The following BRINP2 variants were observed in gnomAD, a reference collection of about 807,000 sequenced individuals.
The protein encoded by BRINP2 is BMP/retinoic acid inducible neural specific 2, also known as BMP/retinoic acid-inducible neural-specific protein 2.
A neutral mutation model predicts 69.2 loss-of-function variants in BRINP2; 21 were observed. The ratio of observed to expected loss-of-function variants is 0.30; its 90% confidence interval spans 0.22 to 0.44. The LOEUF (loss-of-function observed/expected upper bound fraction) is 0.44. Ranked by LOEUF, BRINP2 falls within the 20% of genes least tolerant of loss-of-function variation. BRINP2 has a pLI of 1.00. For synonymous variants in BRINP2, 380 were observed against 394.1 expected (o/e 0.96, Z 0.42); for missense variants, 877 against 986.0 (o/e 0.89, Z 1.48).
rs1270398411 is a variant in BRINP2, at chr1:177,212,107, AGATG to A, written c.-76-17693_-76-17690del. ...TAGATAGATAGATAGATAGATAGAT[AGATG>A]ATAGATAAAATGTGGCCTCATAGAT... On this transcript the variant is annotated intron_variant, in intron 1 of 7. Transcript: ENST00000361539. Among the ~76,000 whole-genome samples, 42 of 142,444 alleles carry A rather than the reference AGATG, an allele frequency of 2.9e-4. 1 individual carries two copies. Among genetic ancestry groups the A allele is most frequent in the Admixed American group, 2.7e-3 (38 of 14,222 alleles). The allele number at this position is 142,444 out of a possible 152,430, so 93.4% of individuals were successfully genotyped here.
chr1:177,265,814 C>T (rs1218683756), intron 4 of BRINP2, among the ~76,000 whole-genome samples: 1 of 152,036 alleles, frequency 6.6e-6, no homozygotes, highest in Non-Finnish European at 1.5e-5. Context: ...TTGAAGTTTT[C>T]CATGAGGTTT....
intron 1 of BRINP2, among the ~76,000 whole-genome samples, chr1:177,228,822 T>C (rs1272692532): frequency 6.6e-6 from 1 of 152,048 alleles, no homozygotes. Flanking sequence ...GACCAAAGAG[T>C]AGGCACTGGA....
chr1:177,230,016 C>A lies in BRINP2; in HGVS notation c.140C>A (p.Ala47Asp). 1 of 1,613,654 alleles carries A rather than the reference C, an allele frequency of 6.2e-7. No homozygotes were observed. The highest frequency in any genetic ancestry group is 8.5e-7 in the Non-Finnish European group (1 of 1,179,962). ...TAAAVVPEQH[A>D]SVAGQHPLDW... ...GCTGCTGTGGTCCCCGAGCAGCATG[C>A]CTCCGTAGCTGGCCAGCATCCCCTG... Residue 47 changes from alanine to aspartate, a missense_variant, in exon 2 of 8, where the codon GCC becomes GAC. Physicochemically the swap from Ala to Asp is moderately radical, Grantham distance 126. Coordinates refer to ENST00000361539, the MANE Select transcript of BRINP2 (RefSeq NM_021165.4).
chr1:177,273,543 C>CA lies in BRINP2; in HGVS notation c.726dup (p.Val243SerfsTer24). 1 of 1,609,856 alleles carries CA rather than the reference C, an allele frequency of 6.2e-7. No individual in the cohort carries two copies. Among genetic ancestry groups the CA allele is most frequent in the Non-Finnish European group, 8.5e-7 (1 of 1,177,924 alleles). ...TGCAGCAACTATGACAATCTGGACTCAGTCAGTTCTGTCTTGGTACAGAGT... is the reference window on the plus strand; with the variant it reads ...TGCAGCAACTATGACAATCTGGACTCAAGTCAGTTCTGTCTTGGTACAGAGT... On this transcript the variant is annotated frameshift_variant, in exon 5 of 8. Coordinates refer to ENST00000361539, the MANE Select transcript of BRINP2 (RefSeq NM_021165.4). LOFTEE classifies it high-confidence loss of function.
chr1:177,200,333 A>G (rs1487571745), intron 1 of BRINP2, among the ~76,000 whole-genome samples: 1 of 148,416 alleles, frequency 6.7e-6, no homozygotes, highest in African/African-American at 2.5e-5. Context: ...GAATGCATTA[A>G]TGCATTATCA....
At chr1:177,244,905 C>A (rs1390064803) in intron 2 of BRINP2, among the ~76,000 whole-genome samples, 1 of 152,128 alleles carries the variant, frequency 6.6e-6, no homozygotes, top group Non-Finnish European at 1.5e-5. Context: ...CTTCTGCCCT[C>A]ATTCCTTTGT....
At chr1:177,177,318 C>CAAA (rs1313735993) in intron 1 of BRINP2, among the ~76,000 whole-genome samples, 44 of 152,070 alleles carry the variant, frequency 2.9e-4, no homozygotes, top group African/African-American at 9.2e-4. Flanking sequence ...ACAACAACAA[C>CAAA]AACAAAATTT....
At chr1:177,238,845 G>A (rs1178508314) in intron 2 of BRINP2, among the ~76,000 whole-genome samples, 3 of 152,156 alleles carry the variant, frequency 2.0e-5, no homozygotes, top group Non-Finnish European at 4.4e-5. Context: ...TATATTAAAT[G>A]CTCATCATAT....
chr1:177,207,469 C>T (rs1426547257), intron 1 of BRINP2, among the ~76,000 whole-genome samples: 3 of 152,140 alleles, frequency 2.0e-5, no homozygotes, highest in African/African-American at 7.2e-5. Flanking sequence ...GTGTGGATAA[C>T]AGAGTCCTGC....
chr1:177,191,410 T>A (rs1419589151), intron 1 of BRINP2, among the ~76,000 whole-genome samples: 4 of 152,142 alleles, frequency 2.6e-5, no homozygotes, highest in African/African-American at 9.7e-5. Flanking sequence ...GAGGACTTAA[T>A]GGCCTGGCAG....
At chr1:177,188,719 T>A (rs1009287980) in intron 1 of BRINP2, among the ~76,000 whole-genome samples, 3 of 152,222 alleles carry the variant, frequency 2.0e-5, no homozygotes, top group Admixed American at 2.0e-4. Context: ...CACAGTAGGC[T>A]TCTTGAGAGC....
chr1:177,267,650 A>G (rs1465717905), intron 4 of BRINP2, among the ~76,000 whole-genome samples: 1 of 152,218 alleles, frequency 6.6e-6, no homozygotes, highest in East Asian at 1.9e-4. Context: ...CTCTTGAGAA[A>G]GAATCTGGTT....
chr1:177,255,836 G>A (rs1261683122), intron 2 of BRINP2, 83 bp from the exon 3 acceptor site: 1 of 1,396,982 alleles, frequency 7.2e-7, no homozygotes, highest in African/African-American at 1.4e-5. Flanking sequence ...GCAAGTGGAG[G>A]AAGAACATTA....
chr1:177,278,788 G>A lies in BRINP2; in HGVS notation c.1235+3G>A. 1 of 1,613,672 alleles carries A rather than the reference G, an allele frequency of 6.2e-7. No homozygotes were observed. Among genetic ancestry groups the A allele is most frequent in the South Asian group, 1.1e-5 (1 of 91,028 alleles). On this transcript the variant is annotated splice_donor_region_variant and intron_variant, in intron 7 of 7. Transcript: ENST00000361539. The stretch of plus-strand genomic sequence containing the variant: ...CGCTTCCGCCTGCCCAAGGAGAGGT[G>A]AGCACCCCCTGGCTGCTACAGCCAG...
At chr1:177,187,633 C>T (rs1477995956) in intron 1 of BRINP2, among the ~76,000 whole-genome samples, 13 of 152,272 alleles carry the variant, frequency 8.5e-5, no homozygotes, top group Non-Finnish European at 1.8e-4. Flanking sequence ...AAGCAGGCCT[C>T]ATGAAGGCCG....
chr1:177,257,328 A>G lies in BRINP2; in HGVS notation c.613A>G (p.Arg205Gly). Reference protein sequence around the residue: ...HQLAASYFIDRESTLRRLHHI... With the variant: ...HQLAASYFIDGESTLRRLHHI... ...GCTGGCCGCCTCCTACTTCATCGAC[A>G]GAGAGAGCACGCTGCGACGGCTGCA... The change falls in exon 4 of 8, where the codon AGA becomes GGA. Residue 205 changes from arginine (R) to glycine (G), a missense_variant. Physicochemically the swap from Arg to Gly is moderately radical, Grantham distance 125. Around this residue, in one of 3 missense-constraint regions of BRINP2, gnomAD observed 566 missense variants for 625.2 expected, o/e 0.91. Transcript: ENST00000361539. 1.9e-6 allele frequency: 3 copies of G among 1,614,044 alleles called. No individual in the cohort carries two copies. The highest frequency in any genetic ancestry group is 2.2e-5 in the East Asian group (1 of 44,860).
At position 177,257,325 on chromosome 1, in the gene BRINP2, G is replaced by C. The variant is rs748913724; in HGVS notation, c.610G>C (p.Asp204His). The C allele has an allele frequency of 3.7e-6, 6 of 1,613,988 alleles. No homozygotes were observed. The highest frequency in any genetic ancestry group is 2.2e-5 in the South Asian group (2 of 91,066). Residue 204 changes from aspartate to histidine, a missense_variant, in exon 4 of 8, where the codon GAC (aspartate) becomes CAC (histidine). Asp to His is a moderately conservative substitution (Grantham distance 81). Around this residue, in one of 3 missense-constraint regions of BRINP2, gnomAD observed 566 missense variants for 625.2 expected, o/e 0.91. Coordinates refer to ENST00000361539, the MANE Select transcript of BRINP2 (RefSeq NM_021165.4). ...CCAGCTGGCCGCCTCCTACTTCATC[G>C]ACAGAGAGAGCACGCTGCGACGGCT... is the stretch of plus-strand genomic sequence containing the variant. ...LHQLAASYFI[D>H]RESTLRRLHH... is the part of the protein sequence containing the mutation.
chr1:177,270,297 C>T lies in BRINP2; in HGVS notation c.670-3191C>T, dbSNP rs371222895. ...TTTCTCACTCTGTGGGTTTTTCACTCTAACAGGAAATGAGCATGAGGATCA... is the reference window on the plus strand; with the variant it reads ...TTTCTCACTCTGTGGGTTTTTCACTTTAACAGGAAATGAGCATGAGGATCA... On this transcript the variant is annotated intron_variant, in intron 4 of 7. Coordinates refer to ENST00000361539, the MANE Select transcript of BRINP2 (RefSeq NM_021165.4). Among the ~76,000 whole-genome samples the T allele has an allele frequency of 1.2e-4, 18 of 152,272 alleles. 1 individual carries two copies. The East Asian group carries it at 2.7e-3, about 23-fold the overall frequency.
At chr1:177,176,508 C>T (rs1300303849) in intron 1 of BRINP2, among the ~76,000 whole-genome samples, 1 of 141,810 alleles carries the variant, frequency 7.1e-6, no homozygotes, top group East Asian at 2.0e-4. Context: ...ATGTAAGTGG[C>T]TGGCATTATT....
Sources: allele counts gnomAD v4.1 joint callset (sites outside exome capture counted in the v4.1 genomes callset), GRCh38; gene constraint gnomAD v4.1.1; regional missense constraint gnomAD v4.1.1; transcripts MANE v1.5; gene names NCBI Gene and HGNC (gene_info 2026-07-23, HGNC 2026-07-21).